Variants in CHST15 observed in about 807,000 individuals in gnomAD.
The protein encoded by CHST15 is B cell RAG associated protein (GALNAC4S-6ST).
Under a neutral mutation model 53.6 loss-of-function variants are expected in CHST15, and 30 were observed. The ratio of observed to expected loss-of-function variants is 0.56; its 90% CI spans 0.42 to 0.76. The LOEUF is 0.76. Ranked by LOEUF, CHST15 falls within the 30% of genes least tolerant of loss-of-function variation. The pLI, the probability that CHST15 is intolerant of heterozygous loss-of-function variation, is 0.00. For missense variants in CHST15, 627 were observed against 740.5 expected (o/e 0.85, Z 1.78); for synonymous variants, 296 against 289.8 (o/e 1.02, Z -0.22).
intron 5 of CHST15, among the ~76,000 whole-genome samples, chr10:124,034,112 G>A (rs908270950): frequency 2.0e-5 from 3 of 152,138 alleles, no homozygotes; most frequent in African/African-American, 7.2e-5. Context: ...GCACTGGGTC[G>A]CCACTGTTGT....
At chr10:124,044,436 T>G in intron 3 of CHST15, 144 bp downstream of exon 3, 2 of 671,070 alleles carry the variant, frequency 3.0e-6, no homozygotes, top group Non-Finnish European at 4.7e-6. Context: ...CTGCTGGGTC[T>G]TTGCCTGGGA....
chr10:124,045,822 T>A lies in CHST15; in HGVS notation c.391A>T (p.Thr131Ser). Reference protein sequence around the residue: ...SLMDSENPSDTKEHHHQSSVN... With the variant: ...SLMDSENPSDSKEHHHQSSVN... Reference sequence around the variant, plus strand: ...GAGGATTGGTGGTGATGCTCCTTTGTGTCACTTGGGTTTTCGCTGTCCATC... The same window carrying A: ...GAGGATTGGTGGTGATGCTCCTTTGAGTCACTTGGGTTTTCGCTGTCCATC... The change falls in exon 2 of 8, where the codon ACA becomes TCA. Residue 131 changes from threonine (T) to serine (S), a missense_variant. Transcript: ENST00000435907. 1 of 1,614,090 alleles carries A rather than the reference T, an allele frequency of 6.2e-7. No individual in the cohort carries two copies. Among genetic ancestry groups the A allele is most frequent in the Non-Finnish European group, 8.5e-7 (1 of 1,180,020 alleles).
chr10:124,063,576 C>CA (rs1948660161), intron 1 of CHST15, among the ~76,000 whole-genome samples: 2 of 152,036 alleles, frequency 1.3e-5, no homozygotes, highest in African/African-American at 4.8e-5. Context: ...CCCAGTCCAT[C>CA]AAAAATGAAT....
chr10:124,084,340 C>T (rs1564917215), intron 1 of CHST15, among the ~76,000 whole-genome samples: 2 of 152,188 alleles, frequency 1.3e-5, no homozygotes, highest in South Asian at 2.1e-4. Flanking sequence ...TGGGGGCCCA[C>T]CTGCATTCGG....
At chr10:124,039,849 C>T (rs1185539698) in intron 4 of CHST15, among the ~76,000 whole-genome samples, 1 of 152,158 alleles carries the variant, frequency 6.6e-6, no homozygotes, top group Admixed American at 6.5e-5. Flanking sequence ...TGACAGTTTG[C>T]CAAGGACCAC....
chr10:124,033,074 G>C (rs1260359712), intron 5 of CHST15, among the ~76,000 whole-genome samples: 2 of 152,162 alleles, frequency 1.3e-5, no homozygotes, highest in Non-Finnish European at 2.9e-5. Flanking sequence ...TCACAGAACA[G>C]GGCTAATGGC....
chr10:124,088,759 G>A (rs1949517112), intron 1 of CHST15, among the ~76,000 whole-genome samples: 1 of 152,160 alleles, frequency 6.6e-6, no homozygotes, highest in Non-Finnish European at 1.5e-5. Context: ...GATAGGTCTT[G>A]CGATGAACTG....
In CHST15 at chr10:124,074,460, C is replaced by T. The variant is rs1198811781; in HGVS notation, c.-513+19009G>A. ...CATCGCCCAGTTGTGATCATCAATC[C>T]AGTCTCTAGAAACAAGGATTCTAGC... On this transcript the variant is annotated intron_variant, in intron 1 of 7. Coordinates refer to ENST00000435907, the MANE Select transcript of CHST15 (RefSeq NM_001270764.2). This position sits in a 1 kb window ranked among gnomAD's most constrained non-coding sequence, Gnocchi z 4.4. 1.3e-5 allele frequency among the ~76,000 whole-genome samples: 2 copies of T among 152,158 alleles called. No homozygotes were observed. The highest frequency in any genetic ancestry group is 6.5e-5 in the Admixed American group (1 of 15,274).
rs1946706205 is a variant in CHST15 at position 124,019,758 on chromosome 10, G to A, written c.1347+1498C>T. 7 of 983,086 alleles carry A rather than the reference G, an allele frequency of 7.1e-6. No homozygotes were observed. In the Admixed American group the frequency reaches 3.7e-4, roughly 52 times the overall value. The allele number at this position is 983,086 out of a possible 1,614,324, so 60.9% of individuals were successfully genotyped here. ...TATCTTCTGCTTAAAACCCTCTGAG[G>A]GGTCCCATCTCTCTCAGGGTGATGT... On this transcript the variant is annotated intron_variant, in intron 6 of 7. Coordinates refer to ENST00000435907, the MANE Select transcript of CHST15 (RefSeq NM_001270764.2). The surrounding 1 kb of genome is among the most constrained non-coding windows in gnomAD (Gnocchi z 4.6).
chr10:124,066,428 A>G (rs1162569648), intron 1 of CHST15, among the ~76,000 whole-genome samples: 1 of 151,524 alleles, frequency 6.6e-6, no homozygotes, highest in African/African-American at 2.4e-5. Context: ...GGACTGACCC[A>G]CACCTCCTCT....
chr10:124,029,467 C>A (rs967265781), intron 5 of CHST15, among the ~76,000 whole-genome samples: 2 of 152,214 alleles, frequency 1.3e-5, no homozygotes, highest in Non-Finnish European at 2.9e-5. Flanking sequence ...GTTCCTTGTG[C>A]ACGAGTGGGG....
chr10:124,068,114 G>A (rs1260760493), intron 1 of CHST15, among the ~76,000 whole-genome samples: 1 of 152,200 alleles, frequency 6.6e-6, no homozygotes, highest in Non-Finnish European at 1.5e-5. Context: ...TCCCGGAATA[G>A]CTGGCTCGAG....
intron 6 of CHST15, among the ~76,000 whole-genome samples, chr10:124,018,122 C>T (rs1946649546): frequency 6.6e-6 from 1 of 152,248 alleles, no homozygotes; most frequent in Non-Finnish European, 1.5e-5. Flanking sequence ...TGGGACAACA[C>T]TCCTATTTGG....
At position 124,077,939 on chromosome 10, in the gene CHST15, T is replaced by C. The variant is rs571120950; in HGVS notation, c.-513+15530A>G. Among the ~76,000 whole-genome samples, 115 of 152,270 alleles carry C rather than the reference T, an allele frequency of 7.6e-4. 1 individual carries two copies. In the Middle Eastern group the frequency reaches 0.01, roughly 14 times the overall value. ...TAAAATACACCAGAGCATAATTCAATTGGAATTGAGGCTCCCATCAAACCA... is the reference window on the plus strand; with the variant it reads ...TAAAATACACCAGAGCATAATTCAACTGGAATTGAGGCTCCCATCAAACCA... On this transcript the variant is annotated intron_variant, in intron 1 of 7. Transcript: ENST00000435907.
intron 1 of CHST15, among the ~76,000 whole-genome samples, chr10:124,084,015 AG>A (rs1949335287): frequency 6.6e-6 from 1 of 152,178 alleles, no homozygotes; most frequent in Admixed American, 6.5e-5. Flanking sequence ...TGTTTCAGAG[AG>A]GGTGCCTAGG....
intron 1 of CHST15, among the ~76,000 whole-genome samples, chr10:124,048,002 G>A (rs761489718): frequency 1.3e-5 from 2 of 152,114 alleles, no homozygotes. Flanking sequence ...CATCAAGATC[G>A]CCATGTACTG....
chr10:124,088,961 C>T (rs1949523896), intron 1 of CHST15, among the ~76,000 whole-genome samples: 1 of 152,162 alleles, frequency 6.6e-6, no homozygotes, highest in Admixed American at 6.5e-5. Flanking sequence ...CATTTTGTCC[C>T]AGTGCTTTAT....
chr10:124,088,879 G>C (rs1949522311), intron 1 of CHST15, among the ~76,000 whole-genome samples: 1 of 152,166 alleles, frequency 6.6e-6, no homozygotes, highest in African/African-American at 2.4e-5. Flanking sequence ...ACCTAGACTG[G>C]ACACACTAAT....
intron 5 of CHST15, among the ~76,000 whole-genome samples, chr10:124,035,042 TACCCCTGATAGGTACCCCGGCTCC>T (rs1947405115): frequency 8.6e-5 from 7 of 81,780 alleles, no homozygotes; most frequent in African/African-American, 9.5e-5. Context: ...ACCCTGGCTC[TACCCCTGATAGGTACCCCGGCTCC>T]ACCCCCTAAC....
Sources: gnomAD v4.1 joint callset for allele counts (sites outside exome capture counted in the v4.1 genomes callset) on GRCh38, gnomAD v4.1.1 for gene constraint, Gnocchi (gnomAD v3.1) non-coding constraint, MANE v1.5 for transcripts, NCBI Gene and HGNC (gene_info 2026-07-23, HGNC 2026-07-21) for gene names.